The following NUDCD1 variants were observed in gnomAD, a reference collection of about 807,000 sequenced individuals.
NUDCD1 encodes the protein nudC domain-containing protein 1.
NUDCD1 carries 60 observed loss-of-function variants against 67.8 expected under a neutral mutation model. That is an observed-to-expected ratio of 0.88 (90% CI 0.72 to 1.10). The LOEUF (loss-of-function observed/expected upper bound fraction) is 1.10. Among genes scored for constraint, NUDCD1 ranks in the 50% least tolerant of loss-of-function variants. The probability of loss-of-function intolerance (pLI) is 0.00; values close to 1 mark genes in which losing one functional copy is unlikely to be tolerated. For missense variants in NUDCD1, 643 were observed against 695.0 expected (o/e 0.93, Z 0.84); for synonymous variants, 244 against 230.8 (o/e 1.06, Z -0.52).
chr8:109,291,408 G>C (rs1814708759), intron 4 of NUDCD1, among the ~76,000 whole-genome samples: 1 of 152,156 alleles, frequency 6.6e-6, no homozygotes, highest in Non-Finnish European at 1.5e-5. Context: ...ACCTCCCAAA[G>C]TGCTGAGATT....
intron 2 of NUDCD1, chr8:109,316,407 T>C (rs1815396132): frequency 2.0e-5 from 3 of 152,224 alleles, no homozygotes; most frequent in African/African-American, 4.8e-5. Context: ...TTGGGTCCCA[T>C]AGCATTCACT....
At chr8:109,247,431 T>C (rs556880216) in intron 8 of NUDCD1, among the ~76,000 whole-genome samples, 3 of 152,136 alleles carry the variant, frequency 2.0e-5, no homozygotes, top group Admixed American at 1.3e-4. Flanking sequence ...ATAGAGGACC[T>C]TGAACCACGA....
chr8:109,293,623 T>C, intron 3 of NUDCD1, 99 bp from the exon 4 acceptor site: 1 of 543,694 alleles, frequency 1.8e-6, no homozygotes, highest in Non-Finnish European at 2.9e-6. Context: ...CAACAGTTAT[T>C]TTGGATACTA....
At chr8:109,288,940 A>T (rs1814635372) in intron 5 of NUDCD1, among the ~76,000 whole-genome samples, 1 of 151,894 alleles carries the variant, frequency 6.6e-6, no homozygotes, top group Non-Finnish European at 1.5e-5. Flanking sequence ...TCTGTTCTTT[A>T]TATACAAATA....
chr8:109,248,404 G>A (rs1316947511), intron 8 of NUDCD1, among the ~76,000 whole-genome samples: 1 of 152,162 alleles, frequency 6.6e-6, no homozygotes, highest in Non-Finnish European at 1.5e-5. Context: ...GGAACTAGAA[G>A]TCTGCCCTTT....
intron 8 of NUDCD1, among the ~76,000 whole-genome samples, chr8:109,249,246 A>C (rs1201450830): frequency 1.3e-5 from 2 of 152,200 alleles, no homozygotes; most frequent in Non-Finnish European, 2.9e-5. Context: ...GCCCTTAATA[A>C]GTATTAATGT....
intron 2 of NUDCD1, among the ~76,000 whole-genome samples, chr8:109,313,146 C>T (rs1815295968): frequency 6.6e-6 from 1 of 152,190 alleles, no homozygotes; most frequent in Non-Finnish European, 1.5e-5. Flanking sequence ...TTACTGAACA[C>T]TCTGTGGTTC....
At chr8:109,282,778 C>T (rs1429999133) in intron 5 of NUDCD1, among the ~76,000 whole-genome samples, 2 of 151,472 alleles carry the variant, frequency 1.3e-5, no homozygotes, top group African/African-American at 4.9e-5. Flanking sequence ...ACGTGTATAC[C>T]TATGTAACAA....
chr8:109,333,750 A>C (rs1258287011), intron 1 of NUDCD1, 143 bp downstream of exon 1: 2 of 862,012 alleles, frequency 2.3e-6, no homozygotes, highest in Non-Finnish European at 3.6e-6. Context: ...CATTCCCCAG[A>C]AGCAGCGGCC....
chr8:109,317,062 C>T (rs7007496), intron 2 of NUDCD1, among the ~76,000 whole-genome samples: 1,912 of 152,184 alleles, frequency 0.013, 35 homozygotes, highest in African/African-American at 0.044. Context: ...AAGAGCATAA[C>T]GCATGCAACT....
chr8:109,265,591 C>T, intron 8 of NUDCD1, among the ~76,000 whole-genome samples: 1 of 152,120 alleles, frequency 6.6e-6, no homozygotes, highest in East Asian at 1.9e-4. Context: ...TTAAAAGTTA[C>T]AAATATTATT....
intron 8 of NUDCD1, among the ~76,000 whole-genome samples, chr8:109,270,523 CT>C (rs1377813126): frequency 6.6e-6 from 1 of 151,916 alleles, no homozygotes; most frequent in Non-Finnish European, 1.5e-5. Flanking sequence ...ATAAATATCC[CT>C]GGAAATAGAA....
intron 2 of NUDCD1, among the ~76,000 whole-genome samples, chr8:109,308,921 G>A (rs948461353): frequency 2.7e-5 from 4 of 150,016 alleles, no homozygotes; most frequent in Admixed American, 6.6e-5. Flanking sequence ...GCAGTGAGCC[G>A]AGATCGTGCC....
Position 109,289,907 on chromosome 8 carries a change from G to C in NUDCD1, c.667C>G (p.Arg223Gly), listed in dbSNP as rs371874228. 1 of 1,502,962 alleles carries C rather than the reference G, an allele frequency of 6.7e-7. No homozygotes were observed. The highest frequency in any genetic ancestry group is 1.5e-5 in the African/African-American group (1 of 68,384). 93.1% of individuals were successfully genotyped at this position (1,502,962 alleles called of 1,614,324 possible). Residue 223 changes from arginine to glycine, a missense_variant, in exon 5 of 10, where the codon CGT (arginine) becomes GGT (glycine). Transcript: ENST00000239690. ...ACTGACTTTCCACGGAGAATATCAC[G>C]CTTAATAATTTCATATTTTTTATTA... ...QDNKKYEIIK[R>G]DILRGKSVPH...
intron 1 of NUDCD1, chr8:109,329,786 A>C: frequency 6.5e-7 from 1 of 1,547,596 alleles, no homozygotes; most frequent in Non-Finnish European, 8.7e-7. Flanking sequence ...TTTGTGAGAC[A>C]AATTTATGTC....
At chr8:109,333,828 G>C in intron 1 of NUDCD1, 65 bp downstream of exon 1, 1 of 1,535,666 alleles carries the variant, frequency 6.5e-7, no homozygotes, top group South Asian at 1.2e-5. Flanking sequence ...ATTGCGGGAA[G>C]GGTCAGGCCG....
At chr8:109,292,564 T>C (rs1485167650) in intron 4 of NUDCD1, among the ~76,000 whole-genome samples, 1 of 152,148 alleles carries the variant, frequency 6.6e-6, no homozygotes, top group Non-Finnish European at 1.5e-5. Flanking sequence ...ATTTAATTTA[T>C]ATTAACTTAC....
intron 8 of NUDCD1, among the ~76,000 whole-genome samples, chr8:109,256,075 TTGGGATGCACC>T (rs1202131494): frequency 6.6e-6 from 1 of 151,942 alleles, no homozygotes; most frequent in Non-Finnish European, 1.5e-5. Flanking sequence ...GCTAGGCGTG[TTGGGATGCACC>T]TGTGGTCCCA....
chr8:109,316,888 C>T (rs999476746), intron 2 of NUDCD1, among the ~76,000 whole-genome samples: 2 of 152,012 alleles, frequency 1.3e-5, no homozygotes, highest in Non-Finnish European at 2.9e-5. Context: ...CACAATTATT[C>T]CAAGGTACAA....
Sources: gnomAD v4.1 joint callset for allele counts (sites outside exome capture counted in the v4.1 genomes callset) on GRCh38, gnomAD v4.1.1 for gene constraint, MANE v1.5 for transcripts, NCBI Gene and HGNC (gene_info 2026-07-23, HGNC 2026-07-21) for gene names.